PIGF: variants seen among roughly 807,000 people sequenced by gnomAD.
PIGF encodes the protein GPI ethanolamine phosphate transferase, stabilizing subunit.
A neutral mutation model predicts 26.0 loss-of-function variants in PIGF; 23 were observed. The ratio of observed to expected loss-of-function variants is 0.88; its 90% CI spans 0.64 to 1.25. The LOEUF is 1.25. Ranked by LOEUF, PIGF falls within the 50% of genes most tolerant of loss-of-function variation. PIGF has a pLI of 0.00. For synonymous variants in PIGF, 93 were observed against 92.6 expected, an observed-to-expected ratio of 1.00 and a Z score of -0.03; for missense variants, 278 against 249.9, an observed-to-expected ratio of 1.11 and a Z score of -0.76.
chr2:46,599,586 A>C (rs113285270), intron 4 of PIGF, among the ~76,000 whole-genome samples: 9 of 152,048 alleles, frequency 5.9e-5, no homozygotes, highest in African/African-American at 1.9e-4. Context: ...TGATATTTTT[A>C]ATTTATGTCC....
intron 1 of PIGF, chr2:46,615,952 TATTA>T (rs1361555468): frequency 2.0e-5 from 3 of 152,164 alleles, no homozygotes; most frequent in Non-Finnish European, 4.4e-5. Flanking sequence ...ACAAGGACTT[TATTA>T]ATTTAAAGTA....
chr2:46,593,317 G>A (rs1669782742), intron 4 of PIGF, among the ~76,000 whole-genome samples: 1 of 152,028 alleles, frequency 6.6e-6, no homozygotes. Flanking sequence ...ACTTTTAGTA[G>A]AGATGGGGTT....
At chr2:46,605,726 T>A (rs959629028) in intron 4 of PIGF, among the ~76,000 whole-genome samples, 5 of 152,130 alleles carry the variant, frequency 3.3e-5, no homozygotes, top group African/African-American at 1.2e-4. Flanking sequence ...CTACACCATC[T>A]AATGATCTAG....
At chr2:46,606,227 C>T (rs1055254788) in intron 4 of PIGF, among the ~76,000 whole-genome samples, 1 of 152,174 alleles carries the variant, frequency 6.6e-6, no homozygotes, top group African/African-American at 2.4e-5. Flanking sequence ...GGAAAGTCTC[C>T]TTACTTTGTC....
At chr2:46,586,345 G>T (rs1371658878) in intron 5 of PIGF, among the ~76,000 whole-genome samples, 1 of 152,124 alleles carries the variant, frequency 6.6e-6, no homozygotes, top group Non-Finnish European at 1.5e-5. Flanking sequence ...TATTTGTGGA[G>T]CCCCTACCTT....
At chr2:46,582,877 C>G (rs1400637878) in intron 5 of PIGF, 1 of 152,500 alleles carries the variant, frequency 6.6e-6, no homozygotes, top group Non-Finnish European at 1.5e-5. Flanking sequence ...TGGCCAGGAA[C>G]TTTCTCTCTG....
At chr2:46,603,250 T>C (rs912454638) in intron 4 of PIGF, among the ~76,000 whole-genome samples, 2 of 151,984 alleles carry the variant, frequency 1.3e-5, no homozygotes, top group Non-Finnish European at 2.9e-5. Context: ...GTTTGTGAAC[T>C]GGAAGAATCA....
intron 1 of PIGF, chr2:46,615,971 T>TAATTTAAAGTAA (rs1670607675): frequency 6.6e-6 from 1 of 152,084 alleles, no homozygotes; most frequent in Admixed American, 6.5e-5. Flanking sequence ...AAAGTAACAG[T>TAATTTAAAGTAA]CAATATGTTA....
chr2:46,600,931 C>CA (rs1030001665), intron 4 of PIGF, among the ~76,000 whole-genome samples: 2 of 151,754 alleles, frequency 1.3e-5, no homozygotes, highest in Non-Finnish European at 2.9e-5. Context: ...ATAATTAATA[C>CA]AAAATTCGAA....
In PIGF at chr2:46,588,534, G is replaced by A; in HGVS notation, c.546+3941C>T. ...TCCTCACTAGCAAGTGACAAAGCCA[G>A]GATTTCAACCCAGTAATCTGATGCC... On this transcript the variant is annotated intron_variant, in intron 5 of 5. Transcript: ENST00000281382. The surrounding 1 kb of genome is among the most constrained non-coding windows in gnomAD (Gnocchi z 4.1). 1 of 167,744 alleles carries A rather than the reference G, an allele frequency of 6.0e-6. No individual in the cohort carries two copies. The highest frequency in any genetic ancestry group is 1.3e-5 in the Non-Finnish European group (1 of 77,720). The allele number at this position is 167,744 out of a possible 1,614,324, so 10.4% of individuals were successfully genotyped here.
intron 5 of PIGF, chr2:46,591,881 T>A: frequency 7.7e-7 from 1 of 1,303,950 alleles, no homozygotes; most frequent in Non-Finnish European, 1.0e-6. Flanking sequence ...TGAGCTTTCT[T>A]GATAACACAG....
chr2:46,614,159 CA>C (rs1406201323), intron 2 of PIGF: 1 of 155,048 alleles, frequency 6.4e-6, no homozygotes, highest in African/African-American at 2.4e-5. Context: ...GAAATATCTG[CA>C]GAAAATAACA....
At chr2:46,603,887 C>A (rs1259541880) in intron 4 of PIGF, among the ~76,000 whole-genome samples, 1 of 151,814 alleles carries the variant, frequency 6.6e-6, no homozygotes, top group African/African-American at 2.4e-5. Context: ...AGCTTCTGTA[C>A]AGCAAAAGAA....
At chr2:46,596,806 C>A (rs1412656787) in intron 4 of PIGF, among the ~76,000 whole-genome samples, 1 of 152,320 alleles carries the variant, frequency 6.6e-6, no homozygotes. Flanking sequence ...GCCCCTTCTA[C>A]AATGGTAACA....
In PIGF at chr2:46,600,392, T is replaced by C. The variant is rs1218849882; in HGVS notation, c.438-7809A>G. On this transcript the variant is annotated intron_variant, in intron 4 of 5. Transcript: ENST00000281382. ...AAAACCTTTGCACAAGTATACAAAA[T>C]TATATGGAACAAAGATATACCTAAC... Among the ~76,000 whole-genome samples the C allele has an allele frequency of 2.6e-5, 4 of 152,186 alleles. No homozygotes were observed. In the South Asian group the frequency reaches 6.2e-4, roughly 24 times the overall value.
intron 4 of PIGF, among the ~76,000 whole-genome samples, chr2:46,599,117 T>G (rs1669979553): frequency 6.6e-6 from 1 of 152,188 alleles, no homozygotes; most frequent in Admixed American, 6.5e-5. Flanking sequence ...GATGTAGGAT[T>G]TCGTTTAAAA....
At position 46,611,194 on chromosome 2, in the gene PIGF, A is replaced by C. The variant is rs1670402344; in HGVS notation, c.437+1034T>G. 1.3e-5 allele frequency among the ~76,000 whole-genome samples: 2 copies of C among 152,122 alleles called. 1 individual carries two copies. Among genetic ancestry groups the C allele is most frequent in the Non-Finnish European group, 2.9e-5 (2 of 68,020 alleles). Reference sequence around the variant, plus strand: ...AACAGATAAGCTCCTCAGCAAAAGAATCCTCCTAATAAGGCCGGGTGTGGT... The same window carrying C: ...AACAGATAAGCTCCTCAGCAAAAGACTCCTCCTAATAAGGCCGGGTGTGGT... On this transcript the variant is annotated intron_variant, in intron 4 of 5. Coordinates refer to ENST00000281382, the MANE Select transcript of PIGF (RefSeq NM_002643.4).
At position 46,614,997 on chromosome 2, in the gene PIGF, T is replaced by C. The variant is rs1174483987; in HGVS notation, c.168A>G (p.Leu56=). 5 of 1,607,868 alleles carry C rather than the reference T, an allele frequency of 3.1e-6. No homozygotes were observed. In the Admixed American group the frequency reaches 8.3e-5, roughly 27 times the overall value. ...ICSGFVTAVN[L]VLYLVVKPNT... ...TTGGTTTCACTACTAAATATAGTAC[T>C]AGATTGACAGCAGTTACAAAACCAG... Residue 56 remains leucine, a synonymous_variant, in exon 2 of 6, where the codon CTA becomes CTG. Coordinates refer to ENST00000281382, the MANE Select transcript of PIGF (RefSeq NM_002643.4).
intron 4 of PIGF, among the ~76,000 whole-genome samples, chr2:46,601,953 T>A (rs1310154975): frequency 6.6e-6 from 1 of 151,842 alleles, no homozygotes; most frequent in African/African-American, 2.4e-5. Context: ...AAAGAACTGA[T>A]ATGTCAAAAA....
Sources: allele counts gnomAD v4.1 joint callset (sites outside exome capture counted in the v4.1 genomes callset), GRCh38; gene constraint gnomAD v4.1.1; non-coding constraint Gnocchi (gnomAD v3.1); transcripts MANE v1.5; gene names NCBI Gene and HGNC (gene_info 2026-07-23, HGNC 2026-07-21).